MECOM: variants seen among roughly 807,000 people sequenced by gnomAD.
MECOM encodes histone-lysine N-methyltransferase MECOM.
A neutral mutation model predicts 116.3 loss-of-function variants in MECOM; 13 were observed. The ratio of observed to expected loss-of-function variants is 0.11; its 90% CI spans 0.07 to 0.18. The LOEUF (loss-of-function observed/expected upper bound fraction) is 0.18. MECOM is among the 10% of genes least tolerant of loss of function. The pLI is 1.00. For missense variants in MECOM, 1,299 were observed against 1,509.0 expected (o/e 0.86, Z 2.31); for synonymous variants, 528 against 535.2 (o/e 0.99, Z 0.19).
intron 1 of MECOM, among the ~76,000 whole-genome samples, chr3:169,567,089 G>C (rs1763333478): frequency 6.6e-6 from 1 of 152,180 alleles, no homozygotes; most frequent in Admixed American, 6.5e-5. Flanking sequence ...TTGGCCATTG[G>C]GATGAATTAC....
At chr3:169,197,512 T>C (rs922969243) in intron 2 of MECOM, among the ~76,000 whole-genome samples, 1 of 151,936 alleles carries the variant, frequency 6.6e-6, no homozygotes, top group Non-Finnish European at 1.5e-5. Flanking sequence ...ATTTATGTGT[T>C]ATGTGTTTAC....
At chr3:169,295,249 G>A (rs1193697974) in intron 2 of MECOM, among the ~76,000 whole-genome samples, 1 of 152,008 alleles carries the variant, frequency 6.6e-6, no homozygotes. Flanking sequence ...TTTAAAGAAA[G>A]ATTTCCTATT....
At chr3:169,652,806 A>C (rs1380724782) in intron 1 of MECOM, among the ~76,000 whole-genome samples, 1 of 152,242 alleles carries the variant, frequency 6.6e-6, no homozygotes, top group Non-Finnish European at 1.5e-5. Flanking sequence ...GCTCTATATT[A>C]ATAGAGCATA....
chr3:169,558,941 C>T (rs968128282), intron 1 of MECOM, among the ~76,000 whole-genome samples: 1 of 152,002 alleles, frequency 6.6e-6, no homozygotes, highest in Non-Finnish European at 1.5e-5. Flanking sequence ...TCAGAGAGAA[C>T]TATCTTCTCA....
At chr3:169,512,089 G>A (rs992544047) in intron 1 of MECOM, among the ~76,000 whole-genome samples, 1 of 152,140 alleles carries the variant, frequency 6.6e-6, no homozygotes, top group African/African-American at 2.4e-5. Flanking sequence ...GCTAGGTCCA[G>A]GTCATTTTCT....
At chr3:169,308,844 T>C (rs1335583955) in intron 2 of MECOM, among the ~76,000 whole-genome samples, 1 of 152,204 alleles carries the variant, frequency 6.6e-6, no homozygotes, top group Non-Finnish European at 1.5e-5. Context: ...AAAAGACACG[T>C]CTTCCTTCTC....
chr3:169,556,477 A>G (rs911512380), intron 1 of MECOM, among the ~76,000 whole-genome samples: 4 of 152,216 alleles, frequency 2.6e-5, no homozygotes, highest in Non-Finnish European at 4.4e-5. Flanking sequence ...TCATTGGGTA[A>G]CTGAACAAAA....
intron 2 of MECOM, among the ~76,000 whole-genome samples, chr3:169,303,628 C>A (rs1717167140): frequency 6.6e-6 from 1 of 152,182 alleles, no homozygotes; most frequent in Admixed American, 6.5e-5. Flanking sequence ...CTGTATCAAC[C>A]AGAAGCAGCC....
chr3:169,602,405 C>A (rs1475946191), intron 1 of MECOM, among the ~76,000 whole-genome samples: 1 of 152,150 alleles, frequency 6.6e-6, no homozygotes, highest in Non-Finnish European at 1.5e-5. Context: ...TTTTTATACC[C>A]CTTCTCACTG....
intron 2 of MECOM, among the ~76,000 whole-genome samples, chr3:169,296,899 A>T (rs936577323): frequency 6.6e-6 from 1 of 152,238 alleles, no homozygotes; most frequent in African/African-American, 2.4e-5. Context: ...AGAGGTGTAA[A>T]CTATAGCTTA....
At chr3:169,374,033 A>G (rs1165084365) in intron 2 of MECOM, among the ~76,000 whole-genome samples, 3 of 151,898 alleles carry the variant, frequency 2.0e-5, no homozygotes, top group Middle Eastern at 3.4e-3. Context: ...GGCCATTAGG[A>G]TGTAATTAAG....
intron 1 of MECOM, among the ~76,000 whole-genome samples, chr3:169,493,588 T>C (rs1248519743): frequency 6.6e-6 from 1 of 152,064 alleles, no homozygotes; most frequent in African/African-American, 2.4e-5. Flanking sequence ...TATATATATA[T>C]ATTTCACACA....
At chr3:169,475,890 G>T (rs1052432737) in intron 1 of MECOM, among the ~76,000 whole-genome samples, 1 of 151,324 alleles carries the variant, frequency 6.6e-6, no homozygotes, top group Non-Finnish European at 1.5e-5. Context: ...CTCATGTTGG[G>T]TTTTTTTTTA....
chr3:169,125,207 A>G (rs950501618), intron 5 of MECOM, among the ~76,000 whole-genome samples: 2 of 152,042 alleles, frequency 1.3e-5, no homozygotes, highest in Non-Finnish European at 2.9e-5. Context: ...AACTTTATCT[A>G]CGATATGTAA....
chr3:169,522,714 A>G (rs552075547), intron 1 of MECOM, among the ~76,000 whole-genome samples: 1 of 152,332 alleles, frequency 6.6e-6, no homozygotes, highest in East Asian at 1.9e-4. Context: ...AGGAATAGAC[A>G]TGGATGGTGT....
chr3:169,630,452 TA>T (rs71166258), intron 1 of MECOM, among the ~76,000 whole-genome samples: 7,974 of 131,222 alleles, frequency 0.061, 648 homozygotes, highest in East Asian at 0.26. Flanking sequence ...AATTTATTCT[TA>T]AAAAAAAAAA....
chr3:169,333,954 C>T (rs1192292801), intron 2 of MECOM, among the ~76,000 whole-genome samples: 6 of 141,762 alleles, frequency 4.2e-5, no homozygotes, highest in Non-Finnish European at 9.2e-5. Context: ...TAAGAGCAAA[C>T]CCAGACGGTA....
chr3:169,561,684 A>G (rs1762651564), intron 1 of MECOM, among the ~76,000 whole-genome samples: 1 of 152,214 alleles, frequency 6.6e-6, no homozygotes, highest in Admixed American at 6.5e-5. Flanking sequence ...CTAAGTTCTA[A>G]TCTGTAATGT....
intron 1 of MECOM, among the ~76,000 whole-genome samples, chr3:169,419,520 C>A (rs1001622680): frequency 4.6e-5 from 7 of 152,282 alleles, no homozygotes; most frequent in African/African-American, 1.7e-4. Context: ...GTAACCAAAT[C>A]AGCATGGTAC....
Sources: allele counts gnomAD v4.1 joint callset (sites outside exome capture counted in the v4.1 genomes callset), GRCh38; gene constraint gnomAD v4.1.1; transcripts MANE v1.5; gene names NCBI Gene and HGNC (gene_info 2026-07-23, HGNC 2026-07-21).